Variants in CELF4 observed in about 807,000 individuals in gnomAD.
CELF4 encodes CUGBP Elav-like family member 4, also known as CUG-BP- and ETR-3-like factor 4.
In CELF4, 18 loss-of-function variants were observed where a neutral mutation model predicts 59.9. The ratio of observed to expected loss-of-function variants is 0.30; its 90% CI spans 0.21 to 0.45. The LOEUF (loss-of-function observed/expected upper bound fraction) is 0.45, where lower values mean the gene tolerates loss of function less well. CELF4 is among the 20% of genes least tolerant of loss of function. The probability of loss-of-function intolerance (pLI) is 1.00; values close to 1 mark genes in which losing one functional copy is unlikely to be tolerated. For missense variants in CELF4, 456 were observed against 689.0 expected, an observed-to-expected ratio of 0.66 and a Z score of 3.79; for synonymous variants, 261 against 267.1, an observed-to-expected ratio of 0.98 and a Z score of 0.22.
At chr18:37,439,729 A>C (rs1482565186) in intron 2 of CELF4, among the ~76,000 whole-genome samples, 1 of 152,170 alleles carries the variant, frequency 6.6e-6, no homozygotes, top group Non-Finnish European at 1.5e-5. Flanking sequence ...GAGTCCCCTC[A>C]GGCCGGTGTG....
intron 3 of CELF4, among the ~76,000 whole-genome samples, chr18:37,313,441 T>G (rs1192769083): frequency 6.6e-6 from 1 of 152,196 alleles, no homozygotes. Flanking sequence ...ATTGAATTTT[T>G]GTAAAGCGGG....
chr18:37,552,969 G>A (rs776877988), intron 1 of CELF4, among the ~76,000 whole-genome samples: 10 of 152,176 alleles, frequency 6.6e-5, no homozygotes, highest in East Asian at 1.9e-4. Context: ...TGCTTTTCTC[G>A]CACTGAGACA....
chr18:37,344,708 C>T (rs1330164066), intron 2 of CELF4, among the ~76,000 whole-genome samples: 1 of 152,214 alleles, frequency 6.6e-6, no homozygotes, highest in East Asian at 1.9e-4. Flanking sequence ...CCCCATGTTA[C>T]ATGTTGGCAG....
At chr18:37,531,734 G>C (rs1434356642) in intron 1 of CELF4, among the ~76,000 whole-genome samples, 1 of 152,140 alleles carries the variant, frequency 6.6e-6, no homozygotes, top group African/African-American at 2.4e-5. Context: ...TGCTAGGATA[G>C]AGGGGCCGTT....
At chr18:37,259,298 G>T in intron 10 of CELF4, 34 bp from the exon 11 acceptor site, 1 of 783,760 alleles carries the variant, frequency 1.3e-6, no homozygotes, top group Admixed American at 2.3e-5. Flanking sequence ...CGGGGGAGGA[G>T]GGATGGCAGG....
At chr18:37,562,685 G>A (rs755945571) in intron 1 of CELF4, among the ~76,000 whole-genome samples, 37 of 152,134 alleles carry the variant, frequency 2.4e-4, no homozygotes, top group Middle Eastern at 3.2e-3. Flanking sequence ...TAAGGTGGCC[G>A]GAGGCTTATT....
At chr18:37,563,150 G>A (rs1259790831) in intron 1 of CELF4, among the ~76,000 whole-genome samples, 1 of 151,446 alleles carries the variant, frequency 6.6e-6, no homozygotes, top group African/African-American at 2.4e-5. Context: ...TAATGCAAAT[G>A]ATGAAAATTC....
chr18:37,367,992 G>A (rs1213397002), intron 2 of CELF4, among the ~76,000 whole-genome samples: 2 of 152,044 alleles, frequency 1.3e-5, no homozygotes, highest in African/African-American at 4.8e-5. Context: ...GAGGCGGCAT[G>A]GTGCGGTGCA....
chr18:37,541,866 G>A (rs751327564), intron 1 of CELF4, among the ~76,000 whole-genome samples: 9 of 152,162 alleles, frequency 5.9e-5, no homozygotes, highest in Non-Finnish European at 1.2e-4. Context: ...GTATACAGCG[G>A]CCCCAGTCAT....
chr18:37,514,554 A>G (rs540999775), intron 1 of CELF4, among the ~76,000 whole-genome samples: 1 of 152,296 alleles, frequency 6.6e-6, no homozygotes, highest in South Asian at 2.1e-4. Context: ...TGAACAGACA[A>G]TCACACGAGG....
chr18:37,474,717 C>T (rs1404758152), intron 2 of CELF4, among the ~76,000 whole-genome samples: 3 of 152,316 alleles, frequency 2.0e-5, no homozygotes, highest in South Asian at 2.1e-4. Flanking sequence ...TAGCTGTCAT[C>T]GGAGTTAGAG....
intron 2 of CELF4, among the ~76,000 whole-genome samples, chr18:37,348,600 A>T (rs776019842): frequency 1.3e-5 from 2 of 151,974 alleles, no homozygotes; most frequent in African/African-American, 2.4e-5. Context: ...GTCTTGGAGC[A>T]GTGAGGTGGG....
chr18:37,340,023 T>C (rs551643598), intron 2 of CELF4, among the ~76,000 whole-genome samples: 31 of 152,322 alleles, frequency 2.0e-4, no homozygotes, highest in African/African-American at 7.2e-4. Flanking sequence ...ACGGCTGCGT[T>C]AAGCCCTTTC....
chr18:37,409,460 C>G (rs889192813), intron 2 of CELF4, among the ~76,000 whole-genome samples: 2 of 152,088 alleles, frequency 1.3e-5, no homozygotes, highest in Admixed American at 6.5e-5. Flanking sequence ...TTTGGGACAC[C>G]CCTTGCTGTA....
At chr18:37,255,975 G>A (rs533093342) in intron 11 of CELF4, among the ~76,000 whole-genome samples, 33 of 152,122 alleles carry the variant, frequency 2.2e-4, no homozygotes, top group Middle Eastern at 3.4e-3. Flanking sequence ...TCGGAAGCCC[G>A]AGAGTTGAGA....
At chr18:37,307,016 G>A (rs1012445969) in intron 3 of CELF4, among the ~76,000 whole-genome samples, 48 of 152,130 alleles carry the variant, frequency 3.2e-4, no homozygotes, top group African/African-American at 1.2e-3. Flanking sequence ...AGGCATGGGG[G>A]CAGGTGGGAG....
chr18:37,427,042 G>T (rs895953363), intron 2 of CELF4, among the ~76,000 whole-genome samples: 17 of 151,364 alleles, frequency 1.1e-4, no homozygotes, highest in African/African-American at 3.4e-4. Context: ...GGACACGGGG[G>T]GGGGGGAAGC....
At chr18:37,283,723 G>C (rs973217212) in intron 3 of CELF4, among the ~76,000 whole-genome samples, 11 of 152,036 alleles carry the variant, frequency 7.2e-5, no homozygotes, top group African/African-American at 2.7e-4. Flanking sequence ...TGCGGGAACA[G>C]AGCATGGAGT....
chr18:37,414,243 T>C (rs367616460), intron 2 of CELF4, among the ~76,000 whole-genome samples: 79 of 126,138 alleles, frequency 6.3e-4, no homozygotes, highest in Middle Eastern at 4.6e-3. Flanking sequence ...TCTATCTATC[T>C]ATCCATCCAT....
Sources: allele counts gnomAD v4.1 joint callset (sites outside exome capture counted in the v4.1 genomes callset), GRCh38; gene constraint gnomAD v4.1.1; transcripts MANE v1.5; gene names NCBI Gene and HGNC (gene_info 2026-07-23, HGNC 2026-07-21).